RBM34: variants seen among roughly 807,000 people sequenced by gnomAD.
RBM34 encodes the protein RNA-binding protein 34.
A neutral mutation model predicts 44.6 loss-of-function variants in RBM34; 39 were observed. The ratio of observed to expected loss-of-function variants is 0.87; its 90% CI spans 0.68 to 1.14. The LOEUF is 1.14. Ranked by LOEUF, RBM34 falls within the 50% of genes most tolerant of loss-of-function variation. RBM34 has a pLI of 0.00. For missense variants in RBM34, 572 were observed against 517.9 expected (o/e 1.10, Z -1.01); for synonymous variants, 194 against 184.0 (o/e 1.05, Z -0.44).
intron 6 of RBM34, among the ~76,000 whole-genome samples, chr1:235,142,065 C>T (rs947476884): frequency 1.3e-5 from 2 of 152,052 alleles, no homozygotes; most frequent in Non-Finnish European, 2.9e-5. Context: ...CCCCTACAGC[C>T]GGAGGAAGGG....
Position 235,155,822 on chromosome 1 carries a change from CATATATATATATATATAT to C in RBM34, c.366-728_366-711del, listed in dbSNP as rs1172462826. The stretch of plus-strand genomic sequence containing the variant: ...GTCCAGTCTTTTATACATACATATA[CATATATATATATATATAT>C]ATATATATATATATATATATATATA... On this transcript the variant is annotated intron_variant, in intron 3 of 10. Transcript: ENST00000408888. Among the ~76,000 whole-genome samples the C allele has an allele frequency of 7.2e-3, 461 of 64,188 alleles. 13 individuals are homozygous for C. The highest frequency in any genetic ancestry group is 0.01 in the Middle Eastern group (1 of 96). The allele number at this position is 64,188 out of a possible 152,430, so 42.1% of individuals were successfully genotyped here.
intron 10 of RBM34, among the ~76,000 whole-genome samples, chr1:235,133,790 G>T (rs112603385): frequency 3.7e-3 from 566 of 152,204 alleles, no homozygotes; most frequent in African/African-American, 0.013. Flanking sequence ...AGCATCTGCA[G>T]ATATATATAT....
chr1:235,157,633 C>T (rs1455152981), intron 3 of RBM34, among the ~76,000 whole-genome samples: 1 of 152,106 alleles, frequency 6.6e-6, no homozygotes, highest in African/African-American at 2.4e-5. Context: ...GTCACAAGAA[C>T]ATGACCAAGA....
At chr1:235,132,643 G>A (rs1021432730) in intron 10 of RBM34, among the ~76,000 whole-genome samples, 3 of 151,904 alleles carry the variant, frequency 2.0e-5, no homozygotes, top group Admixed American at 2.0e-4. Context: ...AACCTCCTTC[G>A]TATAGCCATC....
intron 5 of RBM34, among the ~76,000 whole-genome samples, chr1:235,152,282 A>C (rs916712838): frequency 6.6e-6 from 1 of 152,208 alleles, no homozygotes; most frequent in Admixed American, 6.5e-5. Context: ...TTAAATTGAC[A>C]TAAATTCTTT....
intron 10 of RBM34, among the ~76,000 whole-genome samples, chr1:235,134,376 G>C (rs929734519): frequency 1.3e-5 from 2 of 152,058 alleles, no homozygotes; most frequent in African/African-American, 4.8e-5. Flanking sequence ...GCCCAAGCTG[G>C]ACTTGAAGTC....
chr1:235,148,593 T>C (rs1662014229), intron 5 of RBM34, 146 bp from the exon 6 acceptor site: 2 of 493,980 alleles, frequency 4.0e-6, no homozygotes, highest in Non-Finnish European at 3.2e-6. Flanking sequence ...ACAACTGTCC[T>C]AATTTTTTTT....
chr1:235,135,810 G>A (rs745617089), intron 9 of RBM34, 40 bp from the exon 10 acceptor site: 6 of 1,538,128 alleles, frequency 3.9e-6, no homozygotes, highest in Admixed American at 1.7e-5. Flanking sequence ...AAAGAGTTGG[G>A]AGCCCCTCAG....
At chr1:235,134,073 C>G (rs1661315340) in intron 10 of RBM34, among the ~76,000 whole-genome samples, 1 of 152,092 alleles carries the variant, frequency 6.6e-6, no homozygotes, top group Non-Finnish European at 1.5e-5. Context: ...GGGTCTCACT[C>G]TGCCATCCAG....
intron 10 of RBM34, among the ~76,000 whole-genome samples, chr1:235,132,777 A>G (rs955825653): frequency 6.6e-6 from 1 of 152,132 alleles, no homozygotes; most frequent in Non-Finnish European, 1.5e-5. Flanking sequence ...TTCTGTTCCA[A>G]TATAGAGCCA....
intron 10 of RBM34, among the ~76,000 whole-genome samples, chr1:235,132,838 G>C (rs1434595471): frequency 2.0e-5 from 3 of 152,118 alleles, no homozygotes; most frequent in African/African-American, 7.2e-5. Context: ...AAGGACTTTA[G>C]AAGCTTATCA....
intron 6 of RBM34, among the ~76,000 whole-genome samples, chr1:235,138,660 C>T (rs1661539986): frequency 6.6e-6 from 1 of 152,178 alleles, no homozygotes; most frequent in African/African-American, 2.4e-5. Flanking sequence ...TGCAGCCCCT[C>T]CTTCCCTCCA....
At position 235,141,576 on chromosome 1, in the gene RBM34, G is replaced by A. The variant is rs527601201; in HGVS notation, c.702-3402C>T. Among the ~76,000 whole-genome samples the A allele has an allele frequency of 5.3e-5, 8 of 152,258 alleles. No individual in the cohort carries two copies. In the South Asian group the frequency reaches 1.0e-3, roughly 20 times the overall value. The stretch of plus-strand genomic sequence containing the variant: ...CCTAGCCAGCAGTGGCAAGCCACTC[G>A]GGTCCCCTTCCACACTGTGGAAGCT... On this transcript the variant is annotated intron_variant, in intron 6 of 10. Coordinates refer to ENST00000408888, the MANE Select transcript of RBM34 (RefSeq NM_015014.4).
intron 3 of RBM34, among the ~76,000 whole-genome samples, chr1:235,157,786 C>T (rs553092435): frequency 1.3e-5 from 2 of 152,260 alleles, no homozygotes; most frequent in East Asian, 1.9e-4. Flanking sequence ...AAAGCAGCCA[C>T]GTGAAAGGTA....
intron 6 of RBM34, among the ~76,000 whole-genome samples, chr1:235,143,520 G>C (rs1661774170): frequency 6.6e-6 from 1 of 152,200 alleles, no homozygotes; most frequent in Non-Finnish European, 1.5e-5. Flanking sequence ...CGGATCACCT[G>C]AGGTCAGGAG....
chr1:235,151,248 A>G (rs1177573197), intron 5 of RBM34, among the ~76,000 whole-genome samples: 1 of 152,212 alleles, frequency 6.6e-6, no homozygotes, highest in Non-Finnish European at 1.5e-5. Context: ...CAAAACCTGC[A>G]GCCTGGGTGC....
At chr1:235,134,655 T>C (rs1661339440) in intron 10 of RBM34, among the ~76,000 whole-genome samples, 1 of 152,110 alleles carries the variant, frequency 6.6e-6, no homozygotes, top group Non-Finnish European at 1.5e-5. Flanking sequence ...AACATTTAAT[T>C]AGTATGAAGA....
Position 235,131,878 on chromosome 1 carries a change from T to C in RBM34, c.1128A>G (p.Arg376=), listed in dbSNP as rs199794444. 19 of 1,614,060 alleles carry C rather than the reference T, an allele frequency of 1.2e-5. No individual in the cohort carries two copies. The highest frequency in any genetic ancestry group is 1.4e-5 in the Non-Finnish European group (17 of 1,180,022). The part of the protein sequence containing the change: ...EKFKQQNSNP[R]LKNVSKPKQG... ...GCTTAGGTTTACTGACATTCTTCAATCGTGGATTTGAATTTTGTTGTTTAA... is the reference window on the plus strand; with the variant it reads ...GCTTAGGTTTACTGACATTCTTCAACCGTGGATTTGAATTTTGTTGTTTAA... Residue 376 remains arginine, a synonymous_variant, in exon 11 of 11, where the codon CGA becomes CGG. Transcript: ENST00000408888.
At position 235,137,948 on chromosome 1, in the gene RBM34, A is replaced by G; in HGVS notation, c.786-8T>C. The G allele has an allele frequency of 1.3e-6, 2 of 1,598,404 alleles. No homozygotes were observed. Among genetic ancestry groups the G allele is most frequent in the Non-Finnish European group, 1.7e-6 (2 of 1,167,718 alleles). Reference sequence around the variant, plus strand: ...GCAATCTGGGCCCCATTTCTGTATTATAAATACAAAGGGAAAATGGTTGTT... The same window carrying G: ...GCAATCTGGGCCCCATTTCTGTATTGTAAATACAAAGGGAAAATGGTTGTT... On this transcript the variant is annotated splice_polypyrimidine_tract_variant and splice_region_variant and intron_variant, in intron 7 of 10. Coordinates refer to ENST00000408888, the MANE Select transcript of RBM34 (RefSeq NM_015014.4).
Sources: gnomAD v4.1 joint callset for allele counts (sites outside exome capture counted in the v4.1 genomes callset) on GRCh38, gnomAD v4.1.1 for gene constraint, MANE v1.5 for transcripts, NCBI Gene and HGNC (gene_info 2026-07-23, HGNC 2026-07-21) for gene names.